TNFSF4: variants seen among roughly 807,000 people sequenced by gnomAD.
TNFSF4 encodes the protein tumor necrosis factor ligand superfamily member 4.
In TNFSF4, 4 loss-of-function variants were observed where a neutral mutation model predicts 7.3. The observed-to-expected ratio is 0.55, with a 90% CI of 0.27 to 1.25. The LOEUF is 1.25. Among genes scored for constraint, TNFSF4 ranks in the 50% most tolerant of loss-of-function variants. The pLI, the probability that TNFSF4 is intolerant of heterozygous loss-of-function variation, is 0.12. For missense variants in TNFSF4, 181 were observed against 208.8 expected (o/e 0.87, Z 0.82); for synonymous variants, 76 against 83.7 (o/e 0.91, Z 0.50).
At chr1:173,245,848 T>C in the TNFSF4 span, among the ~76,000 whole-genome samples, 3 of 152,248 alleles carry the variant, frequency 2.0e-5, no homozygotes, top group Non-Finnish European at 4.4e-5. Flanking sequence ...GGTATCTGTC[T>C]TTCTGTGCCT....
chr1:173,319,646 C>T, the TNFSF4 span, among the ~76,000 whole-genome samples: 4 of 152,218 alleles, frequency 2.6e-5, no homozygotes, highest in Non-Finnish European at 5.9e-5. Flanking sequence ...TGGGATGAAG[C>T]TTCCAGAGGA....
chr1:173,285,714 T>C, the TNFSF4 span, among the ~76,000 whole-genome samples: 4 of 152,212 alleles, frequency 2.6e-5, no homozygotes, highest in African/African-American at 4.8e-5. Context: ...GTGATCACAT[T>C]TTTTAGCAAT....
chr1:173,227,138 A>G, the TNFSF4 span, among the ~76,000 whole-genome samples: 4 of 151,204 alleles, frequency 2.6e-5, no homozygotes, highest in African/African-American at 9.7e-5. Context: ...AGGAATACTT[A>G]ACAAGCTTTA....
At chr1:173,404,528 C>G in the TNFSF4 span, among the ~76,000 whole-genome samples, 2 of 152,178 alleles carry the variant, frequency 1.3e-5, no homozygotes, top group African/African-American at 4.8e-5. Flanking sequence ...TGTAATTATT[C>G]ATCTGCCTGG....
the TNFSF4 span, among the ~76,000 whole-genome samples, chr1:173,338,861 A>G: frequency 3.3e-5 from 5 of 152,298 alleles, no homozygotes; most frequent in South Asian, 2.1e-4. Context: ...AACAGCATGT[A>G]AAAAAGGAAG....
chr1:173,245,978 A>ATTT, the TNFSF4 span, among the ~76,000 whole-genome samples: 1 of 152,152 alleles, frequency 6.6e-6, no homozygotes, highest in Non-Finnish European at 1.5e-5. Flanking sequence ...TTTTTTACCC[A>ATTT]TTCATCCACC....
At chr1:173,205,665 CTCTT>C in intron 1 of TNFSF4, 2 of 888,524 alleles carry the variant, frequency 2.3e-6, no homozygotes, top group Non-Finnish European at 1.4e-6. Context: ...TTTGGTTACT[CTCTT>C]TGTTTTCTTC....
chr1:173,387,964 A>G, the TNFSF4 span, among the ~76,000 whole-genome samples: 1 of 152,226 alleles, frequency 6.6e-6, no homozygotes, highest in Non-Finnish European at 1.5e-5. Flanking sequence ...AGAGTTGGAC[A>G]TTCTGAGATT....
chr1:173,357,438 A>G, the TNFSF4 span, among the ~76,000 whole-genome samples: 23 of 152,188 alleles, frequency 1.5e-4, 1 homozygote, highest in Admixed American at 1.5e-3. Flanking sequence ...TCATTTCACA[A>G]ACTAGAAAGT....
the TNFSF4 span, among the ~76,000 whole-genome samples, chr1:173,249,621 C>A: frequency 3.7e-4 from 56 of 152,290 alleles, no homozygotes; most frequent in African/African-American, 1.3e-3. Flanking sequence ...GGGCAGGGCA[C>A]TCATGACTTC....
chr1:173,412,297 C>T, the TNFSF4 span, among the ~76,000 whole-genome samples: 1 of 152,180 alleles, frequency 6.6e-6, no homozygotes, highest in Non-Finnish European at 1.5e-5. Flanking sequence ...ACAAGTCTAT[C>T]TGCTTTCTGT....
At chr1:173,231,965 C>T in the TNFSF4 span, among the ~76,000 whole-genome samples, 1 of 151,898 alleles carries the variant, frequency 6.6e-6, no homozygotes, top group Admixed American at 6.6e-5. Context: ...TTTTTTGGTT[C>T]CATATGAACT....
the TNFSF4 span, among the ~76,000 whole-genome samples, chr1:173,372,104 G>A: frequency 6.6e-6 from 1 of 152,174 alleles, no homozygotes; most frequent in Non-Finnish European, 1.5e-5. Context: ...CTAAATTGAA[G>A]GCCCAGCTCT....
the TNFSF4 span, among the ~76,000 whole-genome samples, chr1:173,422,969 T>C: frequency 1.2e-5 from 1 of 82,064 alleles, no homozygotes; most frequent in South Asian, 6.3e-4. Context: ...CATATATATA[T>C]GTACATTTTT....
chr1:173,396,492 A>G, the TNFSF4 span, among the ~76,000 whole-genome samples: 3 of 152,230 alleles, frequency 2.0e-5, no homozygotes, highest in Non-Finnish European at 2.9e-5. Flanking sequence ...CCTGGGCAAC[A>G]GAGTGAGACC....
chr1:173,301,917 T>C, the TNFSF4 span, among the ~76,000 whole-genome samples: 2 of 150,736 alleles, frequency 1.3e-5, no homozygotes, highest in African/African-American at 4.9e-5. Flanking sequence ...TCAACTTTAA[T>C]AGCAAAATAC....
the TNFSF4 span, among the ~76,000 whole-genome samples, chr1:173,293,504 C>T: frequency 6.6e-6 from 1 of 152,052 alleles, no homozygotes; most frequent in Non-Finnish European, 1.5e-5. Flanking sequence ...AGACCTGAAA[C>T]TCTAAAAATC....
chr1:173,182,726 G>A (rs763518947), downstream of TNFSF4, among the ~76,000 whole-genome samples: 1 of 152,174 alleles, frequency 6.6e-6, no homozygotes, highest in Non-Finnish European at 1.5e-5. Context: ...CTGAAAAACG[G>A]TCTTAGGTAT....
chr1:173,415,252 C>A, the TNFSF4 span, among the ~76,000 whole-genome samples: 1 of 152,216 alleles, frequency 6.6e-6, no homozygotes, highest in African/African-American at 2.4e-5. Context: ...TCACATTTCT[C>A]CTTACATATC....
Sources: gnomAD v4.1 joint callset for allele counts (sites outside exome capture counted in the v4.1 genomes callset) on GRCh38, gnomAD v4.1.1 for gene constraint, MANE v1.5 for transcripts, NCBI Gene and HGNC (gene_info 2026-07-23, HGNC 2026-07-21) for gene names.